CCL5: variants seen among roughly 807,000 people sequenced by gnomAD.
CCL5 encodes C-C motif chemokine ligand 5, also known as C-C motif chemokine 5.
A neutral mutation model predicts 9.0 loss-of-function variants in CCL5; 5 were observed. The observed-to-expected ratio is 0.55, with a 90% CI of 0.29 to 1.16. The LOEUF (loss-of-function observed/expected upper bound fraction) is 1.16, where lower values mean the gene tolerates loss of function less well. Ranked by LOEUF, CCL5 falls within the 50% of genes most tolerant of loss-of-function variation. CCL5 has a pLI of 0.08. For missense variants in CCL5, 183 were observed against 183.2 expected, an observed-to-expected ratio of 1.00 and a Z score of 0.01; for synonymous variants, 66 against 72.0, an observed-to-expected ratio of 0.92 and a Z score of 0.42.
chr17:35,879,052 G>A (rs1357213397), intron 1 of CCL5, among the ~76,000 whole-genome samples: 1 of 152,220 alleles, frequency 6.6e-6, no homozygotes, highest in Non-Finnish European at 1.5e-5. Context: ...GAAGGGCCTG[G>A]AGATGCATAT....
chr17:35,874,947 G>A (rs927211469), intron 3 of CCL5, among the ~76,000 whole-genome samples: 2 of 151,996 alleles, frequency 1.3e-5, no homozygotes, highest in Admixed American at 1.3e-4. Context: ...GACCCATGCA[G>A]TATGCCACAT....
chr17:35,877,611 A>G (rs376247531), intron 2 of CCL5, among the ~76,000 whole-genome samples: 2 of 152,358 alleles, frequency 1.3e-5, no homozygotes, highest in South Asian at 2.1e-4. Context: ...CATGGAGAGA[A>G]TTATGCATAC....
intron 2 of CCL5, among the ~76,000 whole-genome samples, chr17:35,876,987 AT>A (rs2088449350): frequency 6.6e-6 from 1 of 151,706 alleles, no homozygotes; most frequent in Admixed American, 6.6e-5. Flanking sequence ...TGCCCCTCTT[AT>A]TAGACTATGA....
intron 2 of CCL5, 125 bp downstream of exon 2, chr17:35,878,403 G>A: frequency 5.9e-6 from 4 of 672,344 alleles, no homozygotes; most frequent in Middle Eastern, 4.0e-4. Flanking sequence ...AGGGGACTCT[G>A]AGGCTAGAGA....
At chr17:35,878,175 C>A (rs1256936681) in intron 2 of CCL5, among the ~76,000 whole-genome samples, 7 of 146,678 alleles carry the variant, frequency 4.8e-5, no homozygotes, top group African/African-American at 7.6e-5. Flanking sequence ...CCCAGCTACT[C>A]GGGAGGCTGA....
At position 35,880,306 on chromosome 17, in the gene CCL5, G is replaced by A. The variant is rs910188556; in HGVS notation, c.-1C>T. On this transcript the variant is annotated 5_prime_UTR_variant, in exon 1 of 4. Coordinates refer to ENST00000651122, the MANE Select transcript of CCL5 (RefSeq NM_001278736.2). ...CGAGGGCTGCCGCGGAGACCTTCATGGTACCTGTGGGAGAGGCTGTGCGAG... is the reference window on the plus strand; with the variant it reads ...CGAGGGCTGCCGCGGAGACCTTCATAGTACCTGTGGGAGAGGCTGTGCGAG... 10 of 1,610,772 alleles carry A rather than the reference G, an allele frequency of 6.2e-6. No homozygotes were observed. Among genetic ancestry groups the A allele is most frequent in the Non-Finnish European group, 7.6e-6 (9 of 1,178,462 alleles).
rs1407443936 is a variant in CCL5 at position 35,880,282 on chromosome 17, G to A, written c.24C>T (p.Leu8=). 3.7e-6 allele frequency: 6 copies of A among 1,613,384 alleles called. No homozygotes were observed. Among genetic ancestry groups the A allele is most frequent in the Admixed American group, 1.7e-5 (1 of 59,938 alleles). Residue 8 remains leucine (L), a synonymous_variant, in exon 1 of 4, where the codon CTC becomes CTT. Coordinates refer to ENST00000651122, the MANE Select transcript of CCL5 (RefSeq NM_001278736.2). The stretch of plus-strand genomic sequence containing the variant: ...GGGCAGTAGCAATGAGGATGACAGC[G>A]AGGGCTGCCGCGGAGACCTTCATGG...
In CCL5 at chr17:35,872,411, A is replaced by G. The variant is rs1457666694; in HGVS notation, c.324T>C (p.Gly108=). The G allele has an allele frequency of 6.2e-7, 1 of 1,613,680 alleles. No homozygotes were observed. The highest frequency in any genetic ancestry group is 8.5e-7 in the Non-Finnish European group (1 of 1,179,964). The change falls in exon 4 of 4, where the codon GGT becomes GGC. Residue 108 remains glycine, a synonymous_variant. Transcript: ENST00000651122. Reference sequence around the variant, plus strand: ...CTCCAAAGAGTTGATGTACTCCCGAACCCATTTCTTCTCTGGGTTGGCACA... The same window carrying G: ...CTCCAAAGAGTTGATGTACTCCCGAGCCCATTTCTTCTCTGGGTTGGCACA...
At chr17:35,878,700 G>T in intron 1 of CCL5, 61 bp from the exon 2 acceptor site, 1 of 920,352 alleles carries the variant, frequency 1.1e-6, no homozygotes, top group Non-Finnish European at 1.7e-6. Flanking sequence ...ACTTGACATT[G>T]TGCTGGACAC....
intron 2 of CCL5, among the ~76,000 whole-genome samples, chr17:35,877,349 TGGGCA>T (rs2088453376): frequency 6.6e-6 from 1 of 152,210 alleles, no homozygotes; most frequent in African/African-American, 2.4e-5. Context: ...TACTCCAGCC[TGGGCA>T]ACAGAGTGAG....
chr17:35,873,924 T>G (rs1238392019), intron 3 of CCL5, among the ~76,000 whole-genome samples: 1 of 152,134 alleles, frequency 6.6e-6, no homozygotes, highest in African/African-American at 2.4e-5. Flanking sequence ...AGCCAGAATG[T>G]GGAGGCCTAT....
chr17:35,878,766 A>T, intron 1 of CCL5, 127 bp from the exon 2 acceptor site: 1 of 630,504 alleles, frequency 1.6e-6, no homozygotes, highest in South Asian at 2.0e-5. Context: ...ACTGAGGCTC[A>T]GAGAGGTAAA....
At chr17:35,873,924 T>TGG (rs536465891) in intron 3 of CCL5, among the ~76,000 whole-genome samples, 297 of 152,250 alleles carry the variant, frequency 2.0e-3, no homozygotes, top group Non-Finnish European at 3.8e-3. Context: ...AGCCAGAATG[T>TGG]GGAGGCCTAT....
At chr17:35,880,170 G>T in intron 1 of CCL5, 60 bp downstream of exon 1, 1 of 1,349,526 alleles carries the variant, frequency 7.4e-7, no homozygotes, top group Non-Finnish European at 1.1e-6. Flanking sequence ...ATTGGGATGG[G>T]GTAGGCATTC....
chr17:35,878,454 A>G, intron 2 of CCL5, 74 bp downstream of exon 2: 1 of 965,684 alleles, frequency 1.0e-6, no homozygotes, highest in Non-Finnish European at 1.7e-6. Context: ...GATAGGTGGA[A>G]GTGGGTAGGG....
chr17:35,877,467 T>G (rs1386800774), intron 2 of CCL5, among the ~76,000 whole-genome samples: 1 of 152,260 alleles, frequency 6.6e-6, no homozygotes, highest in Non-Finnish European at 1.5e-5. Flanking sequence ...ACCATAAATT[T>G]CTTAAGCAAT....
At chr17:35,873,655 CTCTGCT>C (rs2088406067) in intron 3 of CCL5, among the ~76,000 whole-genome samples, 1 of 152,192 alleles carries the variant, frequency 6.6e-6, no homozygotes, top group Non-Finnish European at 1.5e-5. Context: ...CACTTAAAGC[CTCTGCT>C]TCTATTTGCT....
At position 35,871,940 on chromosome 17, in the gene CCL5, GA is replaced by G. The variant is rs2088370542; in HGVS notation, c.*329del. The G allele has an allele frequency of 3.0e-5, 1 of 33,076 alleles. No individual in the cohort carries two copies. Among genetic ancestry groups the G allele is most frequent in the South Asian group, 1.1e-3 (1 of 950 alleles). The allele number at this position is 33,076 out of a possible 1,614,324, so 2.0% of individuals were successfully genotyped here. A position where few individuals can be genotyped will look rare whatever the true frequency, so the allele number is the denominator to read the frequency against. ...TATTTTTTTTTTTTTTTTTTTTTTTGAGACGGAGTCTCGCTCTGTCGCCCAG... is the reference window on the plus strand; with the variant it reads ...TATTTTTTTTTTTTTTTTTTTTTTTGGACGGAGTCTCGCTCTGTCGCCCAG... On this transcript the variant is annotated 3_prime_UTR_variant, in exon 4 of 4. Transcript: ENST00000651122.
chr17:35,877,957 G>C (rs1209475221), intron 2 of CCL5, among the ~76,000 whole-genome samples: 3 of 152,030 alleles, frequency 2.0e-5, no homozygotes, highest in African/African-American at 7.2e-5. Context: ...GAGCATTCCA[G>C]ACCATGTTTC....
Sources: gnomAD v4.1 joint callset for allele counts (sites outside exome capture counted in the v4.1 genomes callset) on GRCh38, gnomAD v4.1.1 for gene constraint, MANE v1.5 for transcripts, NCBI Gene and HGNC (gene_info 2026-07-23, HGNC 2026-07-21) for gene names.